U2AF2: variants seen among roughly 807,000 people sequenced by gnomAD.
U2AF2 encodes the protein splicing factor U2AF 65 kDa subunit.
U2AF2 carries 6 observed loss-of-function variants against 52.6 expected under a neutral mutation model. The ratio of observed to expected loss-of-function variants is 0.11; its 90% CI spans 0.06 to 0.23. U2AF2 has a LOEUF of 0.23. Ranked by LOEUF, U2AF2 falls within the 10% of genes least tolerant of loss-of-function variation. The pLI, the probability that U2AF2 is intolerant of heterozygous loss-of-function variation, is 1.00. For synonymous variants in U2AF2, 284 were observed against 258.2 expected (o/e 1.10, Z -0.96); for missense variants, 222 against 677.1 (o/e 0.33, Z 7.46).
At chr19:55,667,680 G>A (rs1372940877) in intron 7 of U2AF2, among the ~76,000 whole-genome samples, 2 of 152,198 alleles carry the variant, frequency 1.3e-5, no homozygotes, top group Non-Finnish European at 2.9e-5. Flanking sequence ...GAGACTTCCC[G>A]GGCAGCCGCG....
chr19:55,668,969 CT>C lies in U2AF2; in HGVS notation c.946-111del. 1 of 1,484,020 alleles carries C rather than the reference CT, an allele frequency of 6.7e-7. No homozygotes were observed. The highest frequency in any genetic ancestry group is 9.1e-7 in the Non-Finnish European group (1 of 1,098,528). The allele number at this position is 1,484,020 out of a possible 1,614,324, so 91.9% of individuals were successfully genotyped here. ...TGGCTTTTTCCAGGCTCTTAATCCCCTTTGCCTTCCCCTCTTCCCCCACCAA... is the reference window on the plus strand; with the variant it reads ...TGGCTTTTTCCAGGCTCTTAATCCCCTTGCCTTCCCCTCTTCCCCCACCAA... On this transcript the variant is annotated intron_variant, in intron 9 of 11. Transcript: ENST00000308924. This position sits in a 1 kb window ranked among gnomAD's most constrained non-coding sequence, Gnocchi z 5.5.
intron 10 of U2AF2, 88 bp from the exon 11 acceptor site, chr19:55,669,355 CT>C (rs1362535121): frequency 1.9e-6 from 3 of 1,543,674 alleles, no homozygotes; most frequent in African/African-American, 2.7e-5. Context: ...GGCCTTTCCC[CT>C]GGGGGGGCAT....
At chr19:55,659,367 C>T (rs1300806093) in intron 2 of U2AF2, 22 bp downstream of exon 2, 5 of 1,462,604 alleles carry the variant, frequency 3.4e-6, no homozygotes, top group Non-Finnish European at 4.5e-6. Flanking sequence ...CAGGGATCCC[C>T]TGGGCCAGCC....
chr19:55,663,493 T>G, intron 6 of U2AF2, 113 bp from the exon 7 acceptor site: 7 of 1,464,870 alleles, frequency 4.8e-6, no homozygotes, highest in Admixed American at 2.1e-5. Flanking sequence ...GGGCCTGGCA[T>G]GTTGTATTTG....
intron 5 of U2AF2, 95 bp downstream of exon 5, chr19:55,661,284 ACT>A (rs1362107390): frequency 7.8e-7 from 1 of 1,285,546 alleles, no homozygotes; most frequent in Non-Finnish European, 1.0e-6. Context: ...CACGGGTCAG[ACT>A]CTGCTCCTGC....
intron 7 of U2AF2, 146 bp downstream of exon 7, chr19:55,663,890 C>G: frequency 8.1e-7 from 1 of 1,228,188 alleles, no homozygotes; most frequent in Middle Eastern, 2.9e-4. Context: ...CCCTAAGTCT[C>G]TGTGAGTGGG....
At chr19:55,667,867 C>G (rs1600081351) in intron 7 of U2AF2, among the ~76,000 whole-genome samples, 1 of 151,688 alleles carries the variant, frequency 6.6e-6, no homozygotes, top group Non-Finnish European at 1.5e-5. Flanking sequence ...CTCACTGCAA[C>G]CTCCGCCTCC....
intron 1 of U2AF2, 127 bp downstream of exon 1, chr19:55,655,280 G>A (rs1050927173): frequency 1.8e-5 from 19 of 1,037,322 alleles, no homozygotes; most frequent in Non-Finnish European, 2.3e-5. Context: ...CCCTGGTTCC[G>A]TGGCGCGCGC....
At chr19:55,658,628 A>G (rs1481425943) in intron 1 of U2AF2, among the ~76,000 whole-genome samples, 1 of 152,146 alleles carries the variant, frequency 6.6e-6, no homozygotes, top group East Asian at 1.9e-4. Context: ...TTCAGTCTGC[A>G]GATTCTCCGA....
chr19:55,661,536 A>G (rs926413547), intron 5 of U2AF2, among the ~76,000 whole-genome samples: 4 of 144,248 alleles, frequency 2.8e-5, no homozygotes, highest in Admixed American at 6.8e-5. Flanking sequence ...ACACACACAC[A>G]CACACAGACG....
intron 11 of U2AF2, 111 bp from the exon 12 acceptor site, chr19:55,673,823 G>A (rs1985092677): frequency 1.4e-6 from 2 of 1,458,078 alleles, no homozygotes; most frequent in Non-Finnish European, 1.8e-6. Context: ...CACCTGTGGC[G>A]AAGCCCCCTC....
intron 1 of U2AF2, among the ~76,000 whole-genome samples, chr19:55,658,340 G>C (rs149071550): frequency 1.5e-5 from 2 of 129,882 alleles, no homozygotes; most frequent in Non-Finnish European, 3.1e-5. Context: ...TTGAAGGGCC[G>C]GTCTCTCTTC....
At chr19:55,660,010 G>A (rs1320385219) in intron 2 of U2AF2, among the ~76,000 whole-genome samples, 167 bp from the exon 3 acceptor site, 1 of 152,114 alleles carries the variant, frequency 6.6e-6, no homozygotes. Flanking sequence ...TCCTGGGGGT[G>A]GGAGTGTTTG....
chr19:55,669,226 G>A (rs1984729157), intron 10 of U2AF2, 45 bp downstream of exon 10: 4 of 1,605,578 alleles, frequency 2.5e-6, no homozygotes, highest in Non-Finnish European at 3.4e-6. Context: ...GGGTGGGAGG[G>A]GCTGGCTAGT....
intron 11 of U2AF2, among the ~76,000 whole-genome samples, chr19:55,673,625 G>A (rs1340133150): frequency 6.6e-6 from 1 of 152,188 alleles, no homozygotes; most frequent in African/African-American, 2.4e-5. Context: ...CTCAGCACGA[G>A]GGACCCCTCC....
chr19:55,672,485 G>T (rs896748388), intron 11 of U2AF2, among the ~76,000 whole-genome samples: 1 of 152,016 alleles, frequency 6.6e-6, no homozygotes, highest in African/African-American at 2.4e-5. Flanking sequence ...AGGATATTGA[G>T]ATGTATCCCC....
chr19:55,662,830 C>T (rs1468938322), intron 6 of U2AF2, among the ~76,000 whole-genome samples: 3 of 152,100 alleles, frequency 2.0e-5, no homozygotes, highest in Non-Finnish European at 4.4e-5. Flanking sequence ...CCTGAGAGGC[C>T]TGTTTGGCCT....
chr19:55,655,839 C>T (rs1466454961), intron 1 of U2AF2, among the ~76,000 whole-genome samples: 2 of 152,246 alleles, frequency 1.3e-5, no homozygotes, highest in Admixed American at 6.5e-5. Flanking sequence ...CTTTGAGTGT[C>T]CGCACGCACA....
chr19:55,669,880 G>A (rs929694962), intron 11 of U2AF2, among the ~76,000 whole-genome samples, 188 bp downstream of exon 11: 11 of 152,156 alleles, frequency 7.2e-5, no homozygotes, highest in South Asian at 6.2e-4. Flanking sequence ...CCCTCAGGCC[G>A]GGCCATGGGA....
Sources: allele counts gnomAD v4.1 joint callset (sites outside exome capture counted in the v4.1 genomes callset), GRCh38; gene constraint gnomAD v4.1.1; non-coding constraint Gnocchi (gnomAD v3.1); transcripts MANE v1.5; gene names NCBI Gene and HGNC (gene_info 2026-07-23, HGNC 2026-07-21).